The following STYK1 variants were observed in gnomAD, a reference collection of about 807,000 sequenced individuals.
STYK1 encodes the protein STY kinase 1.
A neutral mutation model predicts 48.1 loss-of-function variants in STYK1; 46 were observed. That is an observed-to-expected ratio of 0.96 (90% CI 0.75 to 1.22). The LOEUF (loss-of-function observed/expected upper bound fraction) is 1.22. STYK1 is among the 50% of genes most tolerant of loss of function. STYK1 has a pLI of 0.00. For missense variants in STYK1, 527 were observed against 521.1 expected (o/e 1.01, Z -0.11); for synonymous variants, 188 against 189.0 (o/e 0.99, Z 0.04).
At chr12:10,642,158 T>C (rs7975199) in intron 1 of STYK1, among the ~76,000 whole-genome samples, 2,463 of 152,250 alleles carry the variant, frequency 0.016, 64 homozygotes, top group African/African-American at 0.057. Context: ...CTGCAAGAGC[T>C]CCCAAATTTT....
intron 1 of STYK1, among the ~76,000 whole-genome samples, chr12:10,643,638 T>A (rs1947568520): frequency 6.6e-6 from 1 of 152,070 alleles, no homozygotes; most frequent in African/African-American, 2.4e-5. Context: ...AACGGGGCAA[T>A]AGGAAGGAAG....
At chr12:10,662,463 T>A (rs1488055609) in intron 1 of STYK1, among the ~76,000 whole-genome samples, 1 of 152,236 alleles carries the variant, frequency 6.6e-6, no homozygotes, top group African/African-American at 2.4e-5. Flanking sequence ...GTGCATCACT[T>A]TATACTCCCA....
intron 10 of STYK1, among the ~76,000 whole-genome samples, chr12:10,621,170 G>A (rs897881): frequency 6.6e-6 from 1 of 152,096 alleles, no homozygotes; most frequent in African/African-American, 2.4e-5. Flanking sequence ...TGCTGCCTCC[G>A]TATACACAAT....
intron 1 of STYK1, among the ~76,000 whole-genome samples, chr12:10,639,227 G>A (rs1449804327): frequency 6.6e-6 from 1 of 152,182 alleles, no homozygotes; most frequent in Admixed American, 6.5e-5. Flanking sequence ...ACAATGCTCA[G>A]ATCTAGAGAA....
chr12:10,646,758 C>T (rs1406981139), intron 1 of STYK1, among the ~76,000 whole-genome samples: 3 of 152,202 alleles, frequency 2.0e-5, no homozygotes. Flanking sequence ...AAAATGGTTT[C>T]ATGGGCTGGG....
At chr12:10,662,674 A>G (rs902088277) in intron 1 of STYK1, among the ~76,000 whole-genome samples, 2 of 152,192 alleles carry the variant, frequency 1.3e-5, no homozygotes, top group Non-Finnish European at 2.9e-5. Flanking sequence ...GAAGAAATGT[A>G]CATTCAAATC....
rs374330673 is a variant in STYK1 at position 10,649,070 on chromosome 12, G to A, written c.-194-11874C>T. 1.7e-4 allele frequency among the ~76,000 whole-genome samples: 26 copies of A among 152,138 alleles called. No homozygotes were observed. The East Asian group carries it at 3.7e-3, about 21-fold the overall frequency. ...AATTATATGTATGTTTTTTAAAAATGGAAGATGTTTCTGAACACACAAGAA... is the reference window on the plus strand; with the variant it reads ...AATTATATGTATGTTTTTTAAAAATAGAAGATGTTTCTGAACACACAAGAA... On this transcript the variant is annotated intron_variant, in intron 1 of 10. Transcript: ENST00000075503.
rs542492066 is a variant in STYK1 at position 10,651,491 on chromosome 12, G to T, written c.-194-14295C>A. On this transcript the variant is annotated intron_variant, in intron 1 of 10. Coordinates refer to ENST00000075503, the MANE Select transcript of STYK1 (RefSeq NM_018423.3). The stretch of plus-strand genomic sequence containing the variant: ...ATATTATCTAACACAAAGAGCCATT[G>T]TAATAATTAAACAATTTTACATGAT... Among the ~76,000 whole-genome samples the T allele has an allele frequency of 2.0e-5, 3 of 152,282 alleles. No homozygotes were observed. The South Asian group carries it at 6.2e-4, about 32-fold the overall frequency.
At chr12:10,656,486 A>ATGG (rs1947719812) in intron 1 of STYK1, among the ~76,000 whole-genome samples, 1 of 152,000 alleles carries the variant, frequency 6.6e-6, no homozygotes, top group African/African-American at 2.4e-5. Context: ...TTAGCTGGGC[A>ATGG]TGGTGGTGGG....
In STYK1 at chr12:10,646,079, C is replaced by T. The variant is rs188560118; in HGVS notation, c.-194-8883G>A. On this transcript the variant is annotated intron_variant, in intron 1 of 10. Transcript: ENST00000075503. ...GTTTCATGTATGTCTTTATCAGCAG[C>T]GTGAAAATGGATTAATACAGTAAAT... 2.6e-5 allele frequency among the ~76,000 whole-genome samples: 4 copies of T among 152,166 alleles called. No individual in the cohort carries two copies. In the East Asian group the frequency reaches 5.8e-4, roughly 22 times the overall value.
Position 10,631,102 on chromosome 12 carries a change from TG to T in STYK1, c.393del (p.Asn132IlefsTer2), listed in dbSNP as rs757041457. ...TTAGAAGGGTCCCCAGTGTTCATAT[TG>T]GCTCGAAAGATGGGCCCACAGCTAC... Reference protein sequence around the residue: ...CSGSCGPIFRANMNTGDPSKP... With the variant: ...CSGSCGPIFRXNMNTGDPSKP... On this transcript the variant is annotated frameshift_variant, in exon 5 of 11. Coordinates refer to ENST00000075503, the MANE Select transcript of STYK1 (RefSeq NM_018423.3). LOFTEE classifies it high-confidence loss of function. The T allele has an allele frequency of 2.0e-5, 33 of 1,614,190 alleles. No homozygotes were observed. The African/African-American group carries it at 4.3e-4, about 21-fold the overall frequency.
intron 1 of STYK1, among the ~76,000 whole-genome samples, chr12:10,639,880 T>A (rs1947525274): frequency 6.6e-6 from 1 of 152,188 alleles, no homozygotes; most frequent in South Asian, 2.1e-4. Flanking sequence ...TCCAAAAGAA[T>A]CATGGAAACC....
chr12:10,632,570 T>C (rs1047011167), intron 4 of STYK1, among the ~76,000 whole-genome samples: 2 of 151,930 alleles, frequency 1.3e-5, no homozygotes, highest in Admixed American at 6.6e-5. Context: ...CTACTGCATG[T>C]GTGTGTGTGG....
intron 4 of STYK1, among the ~76,000 whole-genome samples, chr12:10,632,225 TG>T (rs1947437469): frequency 6.7e-6 from 1 of 148,274 alleles, no homozygotes; most frequent in Admixed American, 6.7e-5. Context: ...AAAAAGGTGG[TG>T]GGGAGAAGAA....
intron 2 of STYK1, among the ~76,000 whole-genome samples, chr12:10,635,671 G>C (rs560526276): frequency 1.0e-3 from 158 of 152,252 alleles, no homozygotes; most frequent in African/African-American, 2.7e-3. Context: ...CATTTATCCA[G>C]TTCTTAACTC....
chr12:10,659,407 A>G (rs1947752208), intron 1 of STYK1, among the ~76,000 whole-genome samples: 1 of 152,200 alleles, frequency 6.6e-6, no homozygotes. Flanking sequence ...ACAACTGGAT[A>G]AACTGTTTTT....
At chr12:10,663,531 G>A (rs1416651171) in intron 1 of STYK1, among the ~76,000 whole-genome samples, 2 of 139,646 alleles carry the variant, frequency 1.4e-5, no homozygotes, top group Non-Finnish European at 3.0e-5. Flanking sequence ...CCTGGGAGGC[G>A]GAGCTTGCAG....
Position 10,621,944 on chromosome 12 carries a change from A to G in STYK1, c.996T>C (p.Pro332=). The stretch of plus-strand genomic sequence containing the variant: ...TTTGGAGATGCTCTAGGATGCTGGT[A>G]GGAGGGACTTCAGGATACGGTGGTG... ...LGAPPYPEVP[P]TSILEHLQRR... The change falls in exon 10 of 11, where the codon CCT becomes CCC. Residue 332 remains proline (P), a synonymous_variant. Coordinates refer to ENST00000075503, the MANE Select transcript of STYK1 (RefSeq NM_018423.3). 6.2e-7 allele frequency: 1 copy of G among 1,613,922 alleles called. No individual in the cohort carries two copies. Among genetic ancestry groups the G allele is most frequent in the Middle Eastern group, 1.7e-4 (1 of 6,060 alleles).
intron 1 of STYK1, among the ~76,000 whole-genome samples, chr12:10,645,094 G>T (rs1484808614): frequency 1.3e-5 from 2 of 152,122 alleles, no homozygotes; most frequent in African/African-American, 2.4e-5. Flanking sequence ...AGTAAAAGGG[G>T]AACCAAGAGT....
Sources: allele counts gnomAD v4.1 joint callset (sites outside exome capture counted in the v4.1 genomes callset), GRCh38; gene constraint gnomAD v4.1.1; transcripts MANE v1.5; gene names NCBI Gene and HGNC (gene_info 2026-07-23, HGNC 2026-07-21).